The following GPM6A variants were observed in gnomAD, a reference collection of about 807,000 sequenced individuals.
GPM6A encodes the protein glycoprotein M6A, also known as neuronal membrane glycoprotein M6-a.
GPM6A carries 7 observed loss-of-function variants against 32.1 expected under a neutral mutation model. The observed-to-expected ratio is 0.22, with a 90% confidence interval of 0.12 to 0.41. GPM6A has a LOEUF of 0.41. Ranked by LOEUF, GPM6A falls within the 10% of genes least tolerant of loss-of-function variation. The pLI, the probability that GPM6A is intolerant of heterozygous loss-of-function variation, is 1.00. For missense variants in GPM6A, 235 were observed against 347.2 expected, an observed-to-expected ratio of 0.68 and a Z score of 2.57; for synonymous variants, 130 against 123.4, an observed-to-expected ratio of 1.05 and a Z score of -0.35.
chr4:175,997,504 T>C (rs1741345465), intron 1 of GPM6A, among the ~76,000 whole-genome samples: 1 of 152,118 alleles, frequency 6.6e-6, no homozygotes, highest in Non-Finnish European at 1.5e-5. Context: ...AGAGCTGAGC[T>C]ACATAAATTT....
chr4:175,755,701 G>T (rs908894502), intron 1 of GPM6A, among the ~76,000 whole-genome samples: 2 of 152,072 alleles, frequency 1.3e-5, no homozygotes, highest in African/African-American at 4.8e-5. Flanking sequence ...ACAGACAATT[G>T]CCTGGGAATA....
chr4:175,957,810 T>C (rs1740036502), intron 1 of GPM6A, among the ~76,000 whole-genome samples: 1 of 152,236 alleles, frequency 6.6e-6, no homozygotes, highest in Non-Finnish European at 1.5e-5. Flanking sequence ...GTGCCTACCT[T>C]TGTAACATTA....
intron 1 of GPM6A, among the ~76,000 whole-genome samples, chr4:175,717,842 T>C (rs1745919078): frequency 6.6e-6 from 1 of 152,242 alleles, no homozygotes; most frequent in African/African-American, 2.4e-5. Context: ...AAAGCTGTTA[T>C]AATTGCCAAG....
intron 1 of GPM6A, among the ~76,000 whole-genome samples, chr4:175,970,129 A>G (rs563007793): frequency 6.6e-6 from 1 of 152,342 alleles, no homozygotes; most frequent in Non-Finnish European, 1.5e-5. Context: ...ACTGAAAAAT[A>G]TTTGGCAAAT....
At chr4:175,796,272 G>A (rs534091240) in intron 1 of GPM6A, among the ~76,000 whole-genome samples, 2 of 152,096 alleles carry the variant, frequency 1.3e-5, no homozygotes, top group African/African-American at 2.4e-5. Context: ...CACAAACATT[G>A]GAAGTAAATG....
chr4:175,813,341 G>A (rs933082346), upstream of GPM6A, among the ~76,000 whole-genome samples: 1 of 152,148 alleles, frequency 6.6e-6, no homozygotes, highest in Non-Finnish European at 1.5e-5. Flanking sequence ...GCGATAATTA[G>A]CATTTGTACT....
At chr4:175,888,485 CAGTT>C (rs1737533843) in intron 1 of GPM6A, among the ~76,000 whole-genome samples, 1 of 152,014 alleles carries the variant, frequency 6.6e-6, no homozygotes. Context: ...CTCACAAAGA[CAGTT>C]AATCTATTAT....
At chr4:175,731,249 T>C (rs1422491023) in intron 1 of GPM6A, among the ~76,000 whole-genome samples, 1 of 152,154 alleles carries the variant, frequency 6.6e-6, no homozygotes, top group Non-Finnish European at 1.5e-5. Context: ...CTGCAGCCGA[T>C]AGACTGGAAT....
At chr4:175,663,072 T>TTTAGA (rs986838980) in intron 3 of GPM6A, among the ~76,000 whole-genome samples, 7 of 152,150 alleles carry the variant, frequency 4.6e-5, no homozygotes, top group Admixed American at 3.3e-4. Context: ...AGCGCAAAAC[T>TTTAGA]AATTACAATG....
At chr4:175,949,459 C>A (rs1373482922) in intron 1 of GPM6A, among the ~76,000 whole-genome samples, 2 of 152,038 alleles carry the variant, frequency 1.3e-5, no homozygotes, top group Admixed American at 6.6e-5. Flanking sequence ...ACCACAACAC[C>A]TGACCAAAAG....
intron 1 of GPM6A, among the ~76,000 whole-genome samples, chr4:175,722,317 G>T (rs1746181426): frequency 6.6e-6 from 1 of 151,946 alleles, no homozygotes; most frequent in Non-Finnish European, 1.5e-5. Context: ...CCACCGAAGA[G>T]AAAAACTCCT....
intron 1 of GPM6A, among the ~76,000 whole-genome samples, chr4:175,838,040 A>T (rs916197385): frequency 6.6e-6 from 1 of 151,442 alleles, no homozygotes; most frequent in African/African-American, 2.4e-5. Flanking sequence ...TCTCCAAAGC[A>T]CCTACCACAG....
chr4:175,906,162 A>C (rs1469327385), intron 1 of GPM6A, among the ~76,000 whole-genome samples: 1 of 152,144 alleles, frequency 6.6e-6, no homozygotes, highest in African/African-American at 2.4e-5. Flanking sequence ...AAATTCAAGA[A>C]CGATGTCACT....
In GPM6A at chr4:175,697,757, A is replaced by AC. The variant is rs766667894; in HGVS notation, c.230+3817_230+3818insG. Among the ~76,000 whole-genome samples the AC allele has an allele frequency of 5.2e-3, 786 of 152,276 alleles. 3 individuals carry two copies. The highest frequency in any genetic ancestry group is 0.014 in the Middle Eastern group (4 of 294). On this transcript the variant is annotated intron_variant, in intron 2 of 6. Transcript: ENST00000393658. Reference sequence around the variant, plus strand: ...GAAATACATTCTTCTCTCTCTCTGGAGGTTGCCACACCTCAAATGTAATGG... The same window carrying AC: ...GAAATACATTCTTCTCTCTCTCTGGACGGTTGCCACACCTCAAATGTAATGG...
chr4:175,962,072 T>C, intron 1 of GPM6A: 2 of 729,116 alleles, frequency 2.7e-6, no homozygotes, highest in Non-Finnish European at 5.1e-6. Flanking sequence ...ATGTTGCCAA[T>C]CTGGTTAAAG....
At chr4:175,850,828 G>A (rs1736230178) in intron 1 of GPM6A, among the ~76,000 whole-genome samples, 1 of 149,764 alleles carries the variant, frequency 6.7e-6, no homozygotes, top group Admixed American at 6.7e-5. Context: ...TTTTTCGTAT[G>A]TATTATATAA....
intron 1 of GPM6A, among the ~76,000 whole-genome samples, chr4:175,704,194 A>G (rs1745033082): frequency 6.6e-6 from 1 of 152,078 alleles, no homozygotes; most frequent in Non-Finnish European, 1.5e-5. Context: ...ATTCTAGTCC[A>G]TCCCATCTGC....
chr4:175,746,851 G>A (rs549424876), intron 1 of GPM6A, among the ~76,000 whole-genome samples: 12 of 152,172 alleles, frequency 7.9e-5, no homozygotes, highest in South Asian at 6.2e-4. Context: ...ACTGAAAATC[G>A]GGAAGTGAAC....
intron 1 of GPM6A, among the ~76,000 whole-genome samples, chr4:175,805,434 C>T (rs1734658308): frequency 6.6e-6 from 1 of 152,082 alleles, no homozygotes; most frequent in Admixed American, 6.5e-5. Context: ...CTTTAATTGC[C>T]TCACTTTTAC....
Sources: allele counts gnomAD v4.1 joint callset (sites outside exome capture counted in the v4.1 genomes callset), GRCh38; gene constraint gnomAD v4.1.1; transcripts MANE v1.5; gene names NCBI Gene and HGNC (gene_info 2026-07-23, HGNC 2026-07-21).